NRP1: variants seen among roughly 807,000 people sequenced by gnomAD.
NRP1 encodes the protein neuropilin 1.
Under a neutral mutation model 106.7 loss-of-function variants are expected in NRP1, and 35 were observed. The observed-to-expected ratio is 0.33, with a 90% CI of 0.25 to 0.43. The LOEUF (loss-of-function observed/expected upper bound fraction) is 0.43, where lower values mean the gene tolerates loss of function less well. NRP1 is among the 20% of genes least tolerant of loss of function. The pLI is 1.00. For synonymous variants in NRP1, 437 were observed against 417.9 expected (o/e 1.05, Z -0.56); for missense variants, 1,024 against 1,170.4 (o/e 0.87, Z 1.83).
At chr10:33,214,283 G>A (rs759983630) in intron 8 of NRP1, among the ~76,000 whole-genome samples, 1 of 152,080 alleles carries the variant, frequency 6.6e-6, no homozygotes, top group Non-Finnish European at 1.5e-5. Context: ...ATTTCTAATT[G>A]CATTGGGGAC....
chr10:33,236,205 G>A (rs540399673), intron 6 of NRP1, among the ~76,000 whole-genome samples: 1 of 152,240 alleles, frequency 6.6e-6, no homozygotes, highest in Non-Finnish European at 1.5e-5. Flanking sequence ...CTTAAAAACT[G>A]TCTGATAGAA....
At chr10:33,248,303 T>C (rs11009318) in intron 6 of NRP1, among the ~76,000 whole-genome samples, 26,827 of 152,116 alleles carry the variant, frequency 0.18, 2,798 homozygotes, top group East Asian at 0.51. Context: ...AAAAAAGTGC[T>C]TTTATAAGGG....
intron 2 of NRP1, among the ~76,000 whole-genome samples, chr10:33,328,841 G>A (rs1333616515): frequency 1.3e-5 from 2 of 152,180 alleles, no homozygotes; most frequent in Non-Finnish European, 2.9e-5. Context: ...CCAATAACTA[G>A]TGATTATTCT....
At chr10:33,229,402 A>G (rs1839927641) in intron 6 of NRP1, among the ~76,000 whole-genome samples, 1 of 152,206 alleles carries the variant, frequency 6.6e-6, no homozygotes, top group Non-Finnish European at 1.5e-5. Context: ...CTGTCCATTA[A>G]AGTCATGCCC....
intron 6 of NRP1, among the ~76,000 whole-genome samples, chr10:33,239,943 C>A (rs1840886833): frequency 6.6e-6 from 1 of 152,214 alleles, no homozygotes; most frequent in Non-Finnish European, 1.5e-5. Flanking sequence ...AATTTGACTG[C>A]ATCACTAGAG....
At chr10:33,272,622 C>G (rs961429621) in intron 2 of NRP1, among the ~76,000 whole-genome samples, 1 of 152,124 alleles carries the variant, frequency 6.6e-6, no homozygotes, top group Non-Finnish European at 1.5e-5. Context: ...GGAAAGAACA[C>G]CATCTCTGTA....
At chr10:33,268,319 TAG>T (rs200408746) in intron 3 of NRP1, among the ~76,000 whole-genome samples, 4,431 of 152,234 alleles carry the variant, frequency 0.029, 100 homozygotes, top group Non-Finnish European at 0.049. Flanking sequence ...GTGAGCAGGA[TAG>T]AGTCACATGG....
chr10:33,321,995 T>C (rs1847543257), intron 2 of NRP1, among the ~76,000 whole-genome samples: 1 of 152,238 alleles, frequency 6.6e-6, no homozygotes, highest in Admixed American at 6.5e-5. Flanking sequence ...AGGAACCCAG[T>C]GCCTGAGCAG....
Position 33,224,280 on chromosome 10 carries a change from G to A in NRP1, c.1137+1854C>T, listed in dbSNP as rs545576335. On this transcript the variant is annotated intron_variant, in intron 7 of 16. Coordinates refer to ENST00000374867, the MANE Select transcript of NRP1 (RefSeq NM_003873.7). The stretch of plus-strand genomic sequence containing the variant: ...CAGGGGTTCCCAGGGCAAGCTGGGG[G>A]CACTGTCAAACACCCCTGTAATCTG... 2.6e-4 allele frequency among the ~76,000 whole-genome samples: 40 copies of A among 152,244 alleles called. 2 individuals carry two copies. The East Asian group carries it at 5.8e-3, about 22-fold the overall frequency.
chr10:33,266,207 G>C (rs1305974163), intron 3 of NRP1, among the ~76,000 whole-genome samples: 2 of 152,146 alleles, frequency 1.3e-5, no homozygotes, highest in Admixed American at 1.3e-4. Context: ...ACTTTCAAAA[G>C]CAAGTGAATT....
intron 2 of NRP1, among the ~76,000 whole-genome samples, chr10:33,326,966 T>A (rs1411926): frequency 0.97 from 146,819 of 152,058 alleles, 70,862 homozygotes; most frequent in East Asian, 0.99. Flanking sequence ...AATAAAAAAT[T>A]TTTTTTTTTC....
At chr10:33,280,721 C>G (rs987660678) in intron 2 of NRP1, among the ~76,000 whole-genome samples, 1 of 152,044 alleles carries the variant, frequency 6.6e-6, no homozygotes, top group Admixed American at 6.6e-5. Flanking sequence ...GTGGCTCACA[C>G]CTGTAATCCC....
At chr10:33,282,484 C>T (rs1588914310) in intron 2 of NRP1, among the ~76,000 whole-genome samples, 1 of 152,108 alleles carries the variant, frequency 6.6e-6, no homozygotes, top group East Asian at 1.9e-4. Flanking sequence ...AGGTAGTTTG[C>T]TAATCAAAGC....
chr10:33,312,198 G>T (rs971136901), intron 2 of NRP1, among the ~76,000 whole-genome samples: 7 of 152,124 alleles, frequency 4.6e-5, no homozygotes, highest in Non-Finnish European at 7.4e-5. Context: ...GTCTGTAATT[G>T]AATCATTAAT....
intron 11 of NRP1, chr10:33,201,068 T>C (rs1302039724): frequency 6.6e-6 from 1 of 152,212 alleles, no homozygotes; most frequent in African/African-American, 2.4e-5. Flanking sequence ...ATGAACTTTC[T>C]TCTATCTACC....
At position 33,179,777 on chromosome 10, in the gene NRP1, GA is replaced by G; in HGVS notation, c.*298del. The G allele has an allele frequency of 3.1e-6, 1 of 325,766 alleles. No individual in the cohort carries two copies. The highest frequency in any genetic ancestry group is 5.6e-5 in the South Asian group (1 of 17,724). 20.2% of individuals were successfully genotyped at this position (325,766 alleles called of 1,614,324 possible). A position where few individuals can be genotyped will look rare whatever the true frequency, so the allele number is the denominator to read the frequency against. Reference sequence around the variant, plus strand: ...ATCCACAAAGGGGAGAGGAGAGAGAGAGAGAGGGGCAGGAGGGGTCGAAATG... The same window carrying G: ...ATCCACAAAGGGGAGAGGAGAGAGAGGAGAGGGGCAGGAGGGGTCGAAATG... On this transcript the variant is annotated 3_prime_UTR_variant, in exon 17 of 17. Transcript: ENST00000374867.
At chr10:33,244,537 A>G (rs912751526) in intron 6 of NRP1, among the ~76,000 whole-genome samples, 1 of 152,196 alleles carries the variant, frequency 6.6e-6, no homozygotes, top group African/African-American at 2.4e-5. Context: ...CCTTTCACCC[A>G]AAACAGATGT....
At chr10:33,180,390 C>T (rs1406125644) in intron 16 of NRP1, 25 bp from the exon 17 acceptor site, 5 of 1,549,112 alleles carry the variant, frequency 3.2e-6, no homozygotes, top group Non-Finnish European at 4.4e-6. Flanking sequence ...AATATTGTCT[C>T]CGTGAGCACC....
chr10:33,183,700 G>A (rs1171042642), intron 15 of NRP1, among the ~76,000 whole-genome samples: 1 of 152,146 alleles, frequency 6.6e-6, no homozygotes, highest in Non-Finnish European at 1.5e-5. Flanking sequence ...CATCATAGGT[G>A]CTTTAATAGA....
Sources: allele counts gnomAD v4.1 joint callset (sites outside exome capture counted in the v4.1 genomes callset), GRCh38; gene constraint gnomAD v4.1.1; transcripts MANE v1.5; gene names NCBI Gene and HGNC (gene_info 2026-07-23, HGNC 2026-07-21).